The following NPHS1 variants were observed in gnomAD, a reference collection of about 807,000 sequenced individuals.
NPHS1 encodes nephrin.
A neutral mutation model predicts 139.7 loss-of-function variants in NPHS1; 107 were observed. That is an observed-to-expected ratio of 0.77 (90% CI 0.66 to 0.90). The LOEUF (loss-of-function observed/expected upper bound fraction) is 0.90, where lower values mean the gene tolerates loss of function less well. NPHS1 is among the 40% of genes least tolerant of loss of function. The pLI, the probability that NPHS1 is intolerant of heterozygous loss-of-function variation, is 0.00. For synonymous variants in NPHS1, 707 were observed against 706.6 expected (o/e 1.00, Z -0.01); for missense variants, 1,580 against 1,654.2 (o/e 0.96, Z 0.78).
chr19:35,831,788 G>T, intron 23 of NPHS1, 26 bp from the exon 24 acceptor site: 1 of 1,552,606 alleles, frequency 6.4e-7, no homozygotes, highest in African/African-American at 1.4e-5. Context: ...ACCCCTCAGT[G>T]AATCCCAGAC....
chr19:35,846,248 C>A, intron 11 of NPHS1, 54 bp from the exon 12 acceptor site: 1 of 1,528,550 alleles, frequency 6.5e-7, no homozygotes, highest in Non-Finnish European at 8.8e-7. Flanking sequence ...TTCCACCAAC[C>A]CCCAACCCCC....
intron 22 of NPHS1, among the ~76,000 whole-genome samples, chr19:35,837,952 A>C (rs1049310755): frequency 6.6e-6 from 1 of 151,406 alleles, no homozygotes; most frequent in Non-Finnish European, 1.5e-5. Context: ...AAAAAAAAAA[A>C]AAAAAAAACG....
Position 35,851,881 on chromosome 19 carries a change from C to A in NPHS1, c.-44G>T, listed in dbSNP as rs1247335083. On this transcript the variant is annotated 5_prime_UTR_variant, in exon 1 of 29. Transcript: ENST00000378910. ...GACCCCCACAGCGCCCGCTGCCAGCCACCTGCGTCTGTCTGGCTTTCTCTG... is the reference window on the plus strand; with the variant it reads ...GACCCCCACAGCGCCCGCTGCCAGCAACCTGCGTCTGTCTGGCTTTCTCTG... The A allele has an allele frequency of 5.2e-6, 8 of 1,527,320 alleles. No homozygotes were observed. In the East Asian group the frequency reaches 1.7e-4, roughly 33 times the overall value. The allele number at this position is 1,527,320 out of a possible 1,614,324, so 94.6% of individuals were successfully genotyped here.
In NPHS1 at chr19:35,849,249, A is replaced by T. The variant is rs1281554918; in HGVS notation, c.827T>A (p.Leu276Gln). ...GTTTGCCCTCACCTTCAGCCACTGC[A>T]GTGTGGCTAAGGGATTACCCCCTCG... ...VARGGNPLAT[L>Q]QWLKNGQPVS... Residue 276 changes from leucine to glutamine, a missense_variant, in exon 7 of 29, where the codon CTG (leucine) becomes CAG (glutamine). Leu to Gln is a moderately radical substitution (Grantham distance 113). Transcript: ENST00000378910. The T allele has an allele frequency of 1.2e-6, 2 of 1,613,894 alleles. No homozygotes were observed. The highest frequency in any genetic ancestry group is 1.7e-6 in the Non-Finnish European group (2 of 1,180,014).
In NPHS1 at chr19:35,849,227, T is replaced by C; in HGVS notation, c.840+9A>G. On this transcript the variant is annotated intron_variant, in intron 7 of 28. Coordinates refer to ENST00000378910, the MANE Select transcript of NPHS1 (RefSeq NM_004646.4). ...TCCCCCCATTCCCCATGCCCGCGTT[T>C]GCCCTCACCTTCAGCCACTGCAGTG... 1 of 1,613,874 alleles carries C rather than the reference T, an allele frequency of 6.2e-7. No individual in the cohort carries two copies. Among genetic ancestry groups the C allele is most frequent in the Non-Finnish European group, 8.5e-7 (1 of 1,180,024 alleles).
At position 35,845,790 on chromosome 19, in the gene NPHS1, T is replaced by C. The variant is rs1250224992; in HGVS notation, c.1636A>G (p.Thr546Ala). 1.9e-6 allele frequency: 3 copies of C among 1,612,744 alleles called. No homozygotes were observed. The highest frequency in any genetic ancestry group is 2.2e-5 in the East Asian group (1 of 44,828). Reference protein sequence around the residue: ...STQLAVQFPPTNVTILANASA... With the variant: ...STQLAVQFPPANVTILANASA... ...GCGTTGGCCAGGATCGTCACGTTAG[T>C]TGGGGGAACTGGGAGACGGGGTTGG... Residue 546 changes from threonine (T) to alanine (A), a missense_variant, in exon 13 of 29, where the codon ACT (threonine) becomes GCT (alanine). Thr to Ala is a moderately conservative substitution (Grantham distance 58, BLOSUM62 0). Transcript: ENST00000378910. This position sits in a 1 kb window ranked among gnomAD's most constrained non-coding sequence, Gnocchi z 5.5.
rs1458833934 is a variant in NPHS1, at chr19:35,845,624, G to C, written c.1757+45C>G. 3 of 1,608,782 alleles carry C rather than the reference G, an allele frequency of 1.9e-6. No homozygotes were observed. The highest frequency in any genetic ancestry group is 1.3e-5 in the African/African-American group (1 of 74,866). ...GGCGGGGGCGGGACATGCGTGGAGG[G>C]GGCGAGGCCAGACCAGAGAGGGGAG... On this transcript the variant is annotated intron_variant, in intron 13 of 28. Transcript: ENST00000378910. This position sits in a 1 kb window ranked among gnomAD's most constrained non-coding sequence, Gnocchi z 5.5.
intron 14 of NPHS1, 60 bp from the exon 15 acceptor site, chr19:35,844,519 T>G (rs1041768425): frequency 6.6e-6 from 10 of 1,524,308 alleles, no homozygotes; most frequent in African/African-American, 1.4e-5. Flanking sequence ...CAAGGACAGA[T>G]TGGAGATCAG....
rs779610312 is a variant in NPHS1, at chr19:35,846,199, G to A, written c.1441-5C>T. On this transcript the variant is annotated splice_region_variant and splice_polypyrimidine_tract_variant and intron_variant, in intron 11 of 28. Coordinates refer to ENST00000378910, the MANE Select transcript of NPHS1 (RefSeq NM_004646.4). ...CTCGGTCACGGTGCGCGAGTCCTAC[G>A]GGCCGGGAGTGACTGGGGTTCGCAG... 5 of 1,579,794 alleles carry A rather than the reference G, an allele frequency of 3.2e-6. No individual in the cohort carries two copies. Among genetic ancestry groups the A allele is most frequent in the East Asian group, 2.3e-5 (1 of 42,972 alleles).
chr19:35,825,395 T>G lies in NPHS1; in HGVS notation c.*1119A>C, dbSNP rs74509387. On this transcript the variant is annotated 3_prime_UTR_variant, in exon 29 of 29. Transcript: ENST00000378910. ...AGCCTGTTTTTAAAATCACTTTTAT[T>G]GAGATATCATTTATGTACAATAAAA... 0.032 allele frequency among the ~76,000 whole-genome samples: 4,927 copies of G among 152,144 alleles called. 235 individuals are homozygous for G. The highest frequency in any genetic ancestry group is 0.11 in the African/African-American group (4,545 of 41,450).
intron 23 of NPHS1, among the ~76,000 whole-genome samples, chr19:35,834,720 T>G (rs1972931724): frequency 6.6e-6 from 1 of 151,284 alleles, no homozygotes; most frequent in African/African-American, 2.4e-5. Context: ...TGAAACCTCA[T>G]CTCTACTAAA....
At chr19:35,827,704 A>C (rs1019888948) in intron 28 of NPHS1, among the ~76,000 whole-genome samples, 14 of 152,314 alleles carry the variant, frequency 9.2e-5, no homozygotes, top group African/African-American at 3.4e-4. Context: ...GGATCACTTG[A>C]GATCAGGATT....
Position 35,845,794 on chromosome 19 carries a change from G to A in NPHS1, c.1632C>T (p.Pro544=). 2 of 1,612,412 alleles carry A rather than the reference G, an allele frequency of 1.2e-6. No individual in the cohort carries two copies. Among genetic ancestry groups the A allele is most frequent in the Non-Finnish European group, 1.7e-6 (2 of 1,178,700 alleles). ...TGGCCAGGATCGTCACGTTAGTTGG[G>A]GGAACTGGGAGACGGGGTTGGAGGA... ...SASTQLAVQF[P]PTNVTILANA... is the part of the protein sequence containing the mutation. Residue 544 remains proline, a synonymous_variant, in exon 13 of 29, where the codon CCC becomes CCT. Transcript: ENST00000378910. This position sits in a 1 kb window ranked among gnomAD's most constrained non-coding sequence, Gnocchi z 5.5.
rs1972787575 is a variant in NPHS1 at position 35,825,389 on chromosome 19, T to G, written c.*1125A>C. ...TTATGAAGCCTGTTTTTAAAATCAC[T>G]TTTATTGAGATATCATTTATGTACA... On this transcript the variant is annotated 3_prime_UTR_variant, in exon 29 of 29. Transcript: ENST00000378910. Among the ~76,000 whole-genome samples the G allele has an allele frequency of 6.6e-6, 1 of 152,106 alleles. No homozygotes were observed. The highest frequency in any genetic ancestry group is 1.5e-5 in the Non-Finnish European group (1 of 68,010).
At chr19:35,844,007 GCTATC>G in intron 16 of NPHS1, 91 bp downstream of exon 16, 1 of 1,513,390 alleles carries the variant, frequency 6.6e-7, no homozygotes, top group Admixed American at 1.8e-5. Flanking sequence ...AGGATGGGTG[GCTATC>G]CCTGGGTGGG....
chr19:35,837,031 AAAGAAAGAAAGAAAGAAAG>A (rs1568451266), intron 22 of NPHS1, among the ~76,000 whole-genome samples: 6 of 38,470 alleles, frequency 1.6e-4, no homozygotes, highest in African/African-American at 9.0e-4. Flanking sequence ...AAAAGAAAAG[AAAGAAAGAAAGAAAGAAAG>A]AAAGAAAGAA....
intron 28 of NPHS1, among the ~76,000 whole-genome samples, chr19:35,829,265 G>A (rs1289521640): frequency 2.6e-5 from 4 of 152,348 alleles, no homozygotes; most frequent in South Asian, 2.1e-4. Flanking sequence ...TGTGACCCAA[G>A]CTAGACCAAT....
intron 23 of NPHS1, among the ~76,000 whole-genome samples, chr19:35,834,592 T>C (rs1186014634): frequency 1.3e-5 from 2 of 149,692 alleles, no homozygotes; most frequent in Non-Finnish European, 2.9e-5. Flanking sequence ...AAGAGGAAGA[T>C]CTAAGAAAAA....
Position 35,846,017 on chromosome 19 carries a change from C to A in NPHS1, c.1618G>T (p.Ala540Ser). ...CAGTGCGAGCCCTCACACTGCACCG[C>A]CAGCTGCGTGGACGCGCTGAGCTGT... Reference protein sequence around the residue: ...AGQLSASTQLAVQFPPTNVTI... With the variant: ...AGQLSASTQLSVQFPPTNVTI... The change falls in exon 12 of 29, where the codon GCG becomes TCG. Residue 540 changes from alanine to serine, a missense_variant. Ala to Ser is a moderately conservative substitution (Grantham distance 99). Coordinates refer to ENST00000378910, the MANE Select transcript of NPHS1 (RefSeq NM_004646.4). The A allele has an allele frequency of 3.2e-6, 5 of 1,580,538 alleles. No individual in the cohort carries two copies. Among genetic ancestry groups the A allele is most frequent in the Non-Finnish European group, 4.3e-6 (5 of 1,163,424 alleles).
Sources: gnomAD v4.1 joint callset for allele counts (sites outside exome capture counted in the v4.1 genomes callset) on GRCh38, gnomAD v4.1.1 for gene constraint, Gnocchi (gnomAD v3.1) non-coding constraint, MANE v1.5 for transcripts, NCBI Gene and HGNC (gene_info 2026-07-23, HGNC 2026-07-21) for gene names.